The following HRH1 variants were observed in gnomAD, a reference collection of about 807,000 sequenced individuals.
The protein encoded by HRH1 is histamine receptor H1, also known as histamine H1 receptor.
A neutral mutation model predicts 10.3 loss-of-function variants in HRH1; 6 were observed. The observed-to-expected ratio is 0.58, with a 90% CI of 0.32 to 1.15. The LOEUF is 1.15. HRH1 is among the 50% of genes most tolerant of loss of function. The pLI, the probability that HRH1 is intolerant of heterozygous loss-of-function variation, is 0.05. For synonymous variants in HRH1, 242 were observed against 236.7 expected, an observed-to-expected ratio of 1.02 and a Z score of -0.21; for missense variants, 514 against 615.3, an observed-to-expected ratio of 0.84 and a Z score of 1.74.
At chr3:11,173,216 A>G (rs887733143) in intron 1 of HRH1, among the ~76,000 whole-genome samples, 3 of 152,202 alleles carry the variant, frequency 2.0e-5, no homozygotes, top group African/African-American at 4.8e-5. Context: ...ATGATCTTGG[A>G]AAGTGACTTT....
At chr3:11,142,430 C>T (rs968843639) in intron 1 of HRH1, among the ~76,000 whole-genome samples, 6 of 152,134 alleles carry the variant, frequency 3.9e-5, no homozygotes, top group Non-Finnish European at 8.8e-5. Flanking sequence ...GCTGGGGGTA[C>T]AGTGAGGAAA....
chr3:11,161,742 G>C (rs532941238), intron 1 of HRH1, among the ~76,000 whole-genome samples: 1 of 152,334 alleles, frequency 6.6e-6, no homozygotes, highest in African/African-American at 2.4e-5. Flanking sequence ...TGTATCAGGA[G>C]CTCAATAAAT....
At chr3:11,209,643 G>A (rs1938258021) in intron 1 of HRH1, among the ~76,000 whole-genome samples, 1 of 149,706 alleles carries the variant, frequency 6.7e-6, no homozygotes, top group African/African-American at 2.5e-5. Context: ...CACAGGTCTG[G>A]TGGCTGGAAG....
chr3:11,214,031 TG>T (rs1938413459), intron 1 of HRH1, among the ~76,000 whole-genome samples: 1 of 151,458 alleles, frequency 6.6e-6, no homozygotes, highest in South Asian at 2.1e-4. Flanking sequence ...GGGGTCAGCG[TG>T]GGGTTTGTGG....
intron 1 of HRH1, among the ~76,000 whole-genome samples, chr3:11,189,591 A>T (rs1937507631): frequency 6.6e-6 from 1 of 152,058 alleles, no homozygotes; most frequent in South Asian, 2.1e-4. Context: ...GCTCTCATGG[A>T]ATGATATTAT....
At chr3:11,237,272 CGTTAGCACGGAT>C (rs2152577326) in intron 1 of HRH1, among the ~76,000 whole-genome samples, 1 of 152,314 alleles carries the variant, frequency 6.6e-6, no homozygotes, top group South Asian at 2.1e-4. Flanking sequence ...CCTTTTCTCA[CGTTAGCACGGAT>C]GTCCATGTTT....
chr3:11,164,703 A>G (rs1434960259), intron 1 of HRH1, among the ~76,000 whole-genome samples: 1 of 152,190 alleles, frequency 6.6e-6, no homozygotes. Context: ...AGCTTCTCCA[A>G]TTCAATGGAA....
chr3:11,154,151 G>A (rs1936718730), upstream of HRH1, among the ~76,000 whole-genome samples: 1 of 152,178 alleles, frequency 6.6e-6, no homozygotes, highest in South Asian at 2.1e-4. The surrounding 1 kb of genome is among the most constrained non-coding windows in gnomAD (Gnocchi z 4.4). Context: ...GTGGGTGGGG[G>A]TGGAGTTGTC....
At chr3:11,251,707 G>A (rs775901119) in intron 1 of HRH1, among the ~76,000 whole-genome samples, 34 of 152,216 alleles carry the variant, frequency 2.2e-4, no homozygotes, top group Admixed American at 1.4e-3. Context: ...TCTGTAGTTC[G>A]GATTAAATCA....
At chr3:11,202,512 TAGC>T (rs1386718347) in intron 1 of HRH1, among the ~76,000 whole-genome samples, 9 of 152,296 alleles carry the variant, frequency 5.9e-5, no homozygotes, top group Middle Eastern at 3.4e-3. Flanking sequence ...TTCCAGCTTT[TAGC>T]ATCCTGACCC....
intron 1 of HRH1, among the ~76,000 whole-genome samples, chr3:11,236,415 C>T (rs971591130): frequency 6.8e-6 from 1 of 146,658 alleles, no homozygotes; most frequent in Admixed American, 6.9e-5. Flanking sequence ...GGAGACAGAG[C>T]GAGACTCCGT....
rs565395035 is a variant in HRH1, at chr3:11,259,811, G to C, written c.774G>C (p.Glu258Asp). The change falls in exon 2 of 2, where the codon GAG (glutamate) becomes GAC (aspartate). Residue 258 changes from glutamate (E) to aspartate (D), a missense_variant. Coordinates refer to ENST00000431010, the MANE Select transcript of HRH1 (RefSeq NM_001098212.2). The surrounding 1 kb of genome is among the most constrained non-coding windows in gnomAD (Gnocchi z 4.6). ...AKKPGKESPW[E>D]VLKRKPKDAG... ...AACCAGGGAAGGAGTCTCCCTGGGA[G>C]GTTCTGAAAAGGAAGCCAAAAGATG... 2 of 1,613,972 alleles carry C rather than the reference G, an allele frequency of 1.2e-6. No homozygotes were observed. The highest frequency in any genetic ancestry group is 2.2e-5 in the South Asian group (2 of 91,078).
chr3:11,260,394 A>G lies in HRH1; in HGVS notation c.1357A>G (p.Thr453Ala). ...TTGCAATGAACATTTGCACATGTTC[A>G]CCATCTGGCTGGGCTACATCAACTC... ...NCCNEHLHMF[T>A]IWLGYINSTL... Residue 453 changes from threonine to alanine, a missense_variant, in exon 2 of 2, where the codon ACC becomes GCC. Transcript: ENST00000431010. The G allele has an allele frequency of 6.2e-7, 1 of 1,614,170 alleles. No homozygotes were observed. Among genetic ancestry groups the G allele is most frequent in the Non-Finnish European group, 8.5e-7 (1 of 1,180,028 alleles).
At chr3:11,166,276 C>G (rs1574983797) in intron 1 of HRH1, among the ~76,000 whole-genome samples, 1 of 152,142 alleles carries the variant, frequency 6.6e-6, no homozygotes, top group East Asian at 1.9e-4. Context: ...ATTATTACCC[C>G]ATGAAGCGTT....
At chr3:11,203,561 C>CT (rs1175457646) in intron 1 of HRH1, among the ~76,000 whole-genome samples, 12 of 152,128 alleles carry the variant, frequency 7.9e-5, no homozygotes, top group African/African-American at 2.9e-4. Flanking sequence ...TCTAGATGTA[C>CT]TTTTTTGCAT....
At chr3:11,205,751 T>C (rs1938100035) in intron 1 of HRH1, among the ~76,000 whole-genome samples, 1 of 151,240 alleles carries the variant, frequency 6.6e-6, no homozygotes, top group Admixed American at 6.6e-5. Context: ...AACCTCCGCC[T>C]CCCAGATTCA....
rs1419612649 is a variant in HRH1, at chr3:11,263,331, T to C, written c.*2830T>C. ...TTCCAGGAGGTGGATTTAATAGTCT[T>C]AACTCAGCATGAAAAAGATGCTGGG... is the stretch of plus-strand genomic sequence containing the variant. On this transcript the variant is annotated 3_prime_UTR_variant, in exon 2 of 2. Transcript: ENST00000431010. The C allele has an allele frequency of 6.0e-6, 1 of 167,076 alleles. No individual in the cohort carries two copies. The highest frequency in any genetic ancestry group is 1.5e-5 in the Non-Finnish European group (1 of 68,124). The allele number at this position is 167,076 out of a possible 1,614,324, so 10.3% of individuals were successfully genotyped here.
chr3:11,248,289 A>T (rs1939543809), intron 1 of HRH1, among the ~76,000 whole-genome samples: 1 of 152,232 alleles, frequency 6.6e-6, no homozygotes, highest in South Asian at 2.1e-4. Context: ...GATATAATTT[A>T]TTCAAGCTAC....
At chr3:11,204,168 A>G (rs1938033359) in intron 1 of HRH1, among the ~76,000 whole-genome samples, 1 of 152,172 alleles carries the variant, frequency 6.6e-6, no homozygotes, top group African/African-American at 2.4e-5. Flanking sequence ...GTTCATATCC[A>G]TCCATTAAAC....
Sources: allele counts gnomAD v4.1 joint callset (sites outside exome capture counted in the v4.1 genomes callset), GRCh38; gene constraint gnomAD v4.1.1; non-coding constraint Gnocchi (gnomAD v3.1); transcripts MANE v1.5; gene names NCBI Gene and HGNC (gene_info 2026-07-23, HGNC 2026-07-21).